The following SRGAP2 variants were observed in gnomAD, a reference collection of about 807,000 sequenced individuals.
The protein encoded by SRGAP2 is SLIT-ROBO Rho GTPase activating protein 2.
Under a neutral mutation model 57.2 loss-of-function variants are expected in SRGAP2, and 15 were observed. That is an observed-to-expected ratio of 0.26 (90% CI 0.18 to 0.40). The LOEUF (loss-of-function observed/expected upper bound fraction) is 0.40. SRGAP2 is among the 10% of genes least tolerant of loss of function. SRGAP2 has a pLI of 1.00. For synonymous variants in SRGAP2, 249 were observed against 248.0 expected (o/e 1.00, Z -0.04); for missense variants, 520 against 669.6 (o/e 0.78, Z 2.47).
intron 2 of SRGAP2, among the ~76,000 whole-genome samples, chr1:206,267,319 A>G (rs1463782706): frequency 1.3e-5 from 2 of 151,992 alleles, no homozygotes; most frequent in African/African-American, 4.8e-5. Context: ...CCTGCCAAGG[A>G]GAGTGGGCCG....
intron 3 of SRGAP2, among the ~76,000 whole-genome samples, chr1:206,319,911 C>T (rs1391767665): frequency 2.0e-5 from 3 of 150,870 alleles, no homozygotes; most frequent in South Asian, 2.1e-4. Flanking sequence ...CAGGTTCAAG[C>T]GATTCTCGTG....
intron 2 of SRGAP2, among the ~76,000 whole-genome samples, chr1:206,253,427 T>C (rs1487061063): frequency 6.6e-6 from 1 of 151,722 alleles, no homozygotes; most frequent in Non-Finnish European, 1.5e-5. Flanking sequence ...CATGGGATGA[T>C]GCAGCAAGAA....
chr1:206,341,479 A>T (rs536381847), intron 3 of SRGAP2, among the ~76,000 whole-genome samples: 1 of 152,010 alleles, frequency 6.6e-6, no homozygotes, highest in African/African-American at 2.4e-5. Context: ...AATGTGGTTA[A>T]TAACACCCAC....
chr1:206,429,896 G>A (rs1661139864), intron 13 of SRGAP2, among the ~76,000 whole-genome samples: 1 of 152,162 alleles, frequency 6.6e-6, no homozygotes, highest in East Asian at 1.9e-4. Context: ...TAATTAATTA[G>A]GTGGTGGAGA....
rs1432374451 is a variant in SRGAP2, at chr1:206,461,258, C to T, written c.3054C>T (p.Ile1018=). ...FQRSASTAGD[I]ACAFRPVKSV... ...GCAGCGCCAGTACTGCTGGGGACATCGCCTGCGCCTTCCGGCCTGTCAAGT... is the reference window on the plus strand; with the variant it reads ...GCAGCGCCAGTACTGCTGGGGACATTGCCTGCGCCTTCCGGCCTGTCAAGT... The change falls in exon 23 of 23, where the codon ATC becomes ATT. Residue 1018 remains isoleucine (I), a synonymous_variant. Coordinates refer to ENST00000573034, the MANE Select transcript of SRGAP2 (RefSeq NM_015326.5). 6.4e-6 allele frequency: 5 copies of T among 780,778 alleles called. No homozygotes were observed. The highest frequency in any genetic ancestry group is 1.3e-5 in the South Asian group (1 of 74,632). The allele number at this position is 780,778 out of a possible 1,614,324, so 48.4% of individuals were successfully genotyped here. A position where few individuals can be genotyped will look rare whatever the true frequency, so the allele number is the denominator to read the frequency against.
In SRGAP2 at chr1:206,439,994, A is replaced by C. The variant is rs1553371384; in HGVS notation, c.1787A>C (p.Glu596Ala). 1 of 780,874 alleles carries C rather than the reference A, an allele frequency of 1.3e-6. No homozygotes were observed. 48.4% of individuals were successfully genotyped at this position (780,874 alleles called of 1,614,324 possible). A position where few individuals can be genotyped will look rare whatever the true frequency, so the allele number is the denominator to read the frequency against. Reference sequence around the variant, plus strand: ...TTTTCAGCAATGGACAACCTGCAGGAGAGAGCTCTGCACATCCGGAAAGTC... The same window carrying C: ...TTTTCAGCAATGGACAACCTGCAGGCGAGAGCTCTGCACATCCGGAAAGTC... ...MACVTMDNLQ[E>A]RALHIRKVLL... Residue 596 changes from glutamate (E) to alanine (A), a missense_variant, in exon 17 of 23, where the codon GAG (glutamate) becomes GCG (alanine). Transcript: ENST00000573034.
intron 19 of SRGAP2, among the ~76,000 whole-genome samples, chr1:206,452,085 A>G (rs963894): frequency 0.57 from 86,678 of 151,970 alleles, 25,656 homozygotes; most frequent in East Asian, 0.74. Flanking sequence ...ACAATAAGTC[A>G]TGCACACATA....
intron 2 of SRGAP2, among the ~76,000 whole-genome samples, chr1:206,230,622 G>T (rs1239552450): frequency 6.6e-6 from 1 of 151,894 alleles, no homozygotes; most frequent in African/African-American, 2.4e-5. Flanking sequence ...TGCTTTCATG[G>T]AGCTGTATTT....
intron 4 of SRGAP2, among the ~76,000 whole-genome samples, chr1:206,375,547 A>G (rs1655120042): frequency 6.6e-6 from 1 of 152,184 alleles, no homozygotes; most frequent in East Asian, 1.9e-4. Context: ...TTTTGTTTTA[A>G]GGGATGTTGT....
intron 4 of SRGAP2, among the ~76,000 whole-genome samples, chr1:206,372,936 TTTC>T (rs1558358372): frequency 1.2e-4 from 1 of 8,072 alleles, no homozygotes; most frequent in Non-Finnish European, 1.8e-4. Flanking sequence ...TCTTTCTTTC[TTTC>T]TTTCTTTCTT....
intron 3 of SRGAP2, among the ~76,000 whole-genome samples, chr1:206,307,381 T>C (rs1448093965): frequency 2.6e-5 from 4 of 152,388 alleles, no homozygotes; most frequent in South Asian, 4.1e-4. Context: ...AGGAGCCCAG[T>C]TGGCTTCATC....
At chr1:206,449,422 G>T (rs985614724) in intron 18 of SRGAP2, among the ~76,000 whole-genome samples, 7 of 149,084 alleles carry the variant, frequency 4.7e-5, no homozygotes, top group Non-Finnish European at 8.9e-5. Context: ...CTCCAGAGTA[G>T]CTAGAACCAC....
chr1:206,418,452 G>C (rs1211296980), intron 11 of SRGAP2, among the ~76,000 whole-genome samples: 1 of 152,236 alleles, frequency 6.6e-6, no homozygotes, highest in African/African-American at 2.4e-5. Context: ...GCTTGGATAG[G>C]GAGGAGTGTG....
chr1:206,342,004 A>G (rs1675230948), intron 3 of SRGAP2, among the ~76,000 whole-genome samples: 1 of 152,302 alleles, frequency 6.6e-6, no homozygotes, highest in South Asian at 2.1e-4. Flanking sequence ...TCTCAAAAAA[A>G]AAAGGGAATG....
rs554487995 is a variant in SRGAP2 at position 206,441,835 on chromosome 1, G to A, written c.1874+1754G>A. On this transcript the variant is annotated intron_variant, in intron 17 of 22. Transcript: ENST00000573034. Reference sequence around the variant, plus strand: ...TTCACCACAGTCCCCAGCCCTCCCCGTTGTCCCCCAATCCTGAGGCTGAAT... The same window carrying A: ...TTCACCACAGTCCCCAGCCCTCCCCATTGTCCCCCAATCCTGAGGCTGAAT... 1.2e-3 allele frequency among the ~76,000 whole-genome samples: 176 copies of A among 152,216 alleles called. 1 individual carries two copies. Among genetic ancestry groups the A allele is most frequent in the African/African-American group, 3.3e-3 (138 of 41,536 alleles).
At chr1:206,231,540 ATTT>A (rs781976024) in intron 2 of SRGAP2, among the ~76,000 whole-genome samples, 1 of 143,204 alleles carries the variant, frequency 7.0e-6, no homozygotes, top group Non-Finnish European at 1.5e-5. Context: ...TAGTTTTCTA[ATTT>A]TTTTTTTTTT....
At chr1:206,438,137 C>T in intron 16 of SRGAP2, 39 bp downstream of exon 16, 1 of 777,996 alleles carries the variant, frequency 1.3e-6, no homozygotes, top group Non-Finnish European at 2.4e-6. Flanking sequence ...TTCTGGGCTA[C>T]AGCACCGGTA....
Position 206,393,546 on chromosome 1 carries a change from G to A in SRGAP2, c.704G>A (p.Arg235His), listed in dbSNP as rs2987927. Residue 235 changes from arginine (R) to histidine (H), a missense_variant and splice_region_variant, in exon 7 of 23, where the codon CGT becomes CAT. Physicochemically the swap from Arg to His is conservative, Grantham distance 29. Around this residue, in one of 5 missense-constraint regions of SRGAP2, gnomAD observed 12 missense variants for 21.3 expected, o/e 0.56. Transcript: ENST00000573034. ...AGTGAACTTCTGTTTCCTTTTCAGC[G>A]TCAAGCCAAGTACACGGAGAATAAG... ...VKKIEKMKEK[R>H]QAKYTENKLK... The A allele has an allele frequency of 2.6e-6, 2 of 778,650 alleles. No individual in the cohort carries two copies. The highest frequency in any genetic ancestry group is 2.4e-6 in the Non-Finnish European group (1 of 417,224). 48.2% of individuals were successfully genotyped at this position (778,650 alleles called of 1,614,324 possible).
At chr1:206,353,697 AAAAT>A (rs546673732) in intron 4 of SRGAP2, among the ~76,000 whole-genome samples, 9 of 142,740 alleles carry the variant, frequency 6.3e-5, no homozygotes, top group Non-Finnish European at 1.0e-4. Context: ...TCCATCTCAA[AAAAT>A]AAATAAATAA....
Sources: allele counts gnomAD v4.1 joint callset (sites outside exome capture counted in the v4.1 genomes callset), GRCh38; gene constraint gnomAD v4.1.1; regional missense constraint gnomAD v4.1.1; transcripts MANE v1.5; gene names NCBI Gene and HGNC (gene_info 2026-07-23, HGNC 2026-07-21).